SAMD5: variants seen among roughly 807,000 people sequenced by gnomAD.
SAMD5 encodes the protein sterile alpha motif domain-containing protein 5.
A neutral mutation model predicts 11.3 loss-of-function variants in SAMD5; 13 were observed. That is an observed-to-expected ratio of 1.15 (90% confidence interval 0.75 to 1.83). SAMD5 has a LOEUF of 1.83. Among genes scored for constraint, SAMD5 ranks in the 40% most tolerant of loss-of-function variants. The probability of loss-of-function intolerance (pLI) is 0.00; values close to 1 mark genes in which losing one functional copy is unlikely to be tolerated. For synonymous variants in SAMD5, 129 were observed against 111.3 expected, an observed-to-expected ratio of 1.16 and a Z score of -1.00; for missense variants, 255 against 239.1, an observed-to-expected ratio of 1.07 and a Z score of -0.44.
chr6:147,582,283 C>T (rs1789309546), intron 1 of SAMD5, among the ~76,000 whole-genome samples: 1 of 151,586 alleles, frequency 6.6e-6, no homozygotes, highest in Admixed American at 6.6e-5. Context: ...GGGAGAATCA[C>T]TTGAACCCAG....
chr6:147,670,305 A>G (rs1583132836), intron 1 of SAMD5, among the ~76,000 whole-genome samples: 1 of 152,232 alleles, frequency 6.6e-6, no homozygotes, highest in East Asian at 1.9e-4. Flanking sequence ...ATTTAGCATA[A>G]CTCTTAAGGG....
At chr6:147,739,654 A>G (rs1791850934), downstream of SAMD5, among the ~76,000 whole-genome samples, 2 of 152,154 alleles carry the variant, frequency 1.3e-5, no homozygotes, top group South Asian at 4.1e-4. Flanking sequence ...GATTTTTAGT[A>G]CTGTCATTCT....
chr6:147,560,476 G>A (rs937931386), intron 1 of SAMD5, among the ~76,000 whole-genome samples: 19 of 152,212 alleles, frequency 1.2e-4, no homozygotes, highest in African/African-American at 4.1e-4. Context: ...TACAGTCACC[G>A]GTTATATTTC....
the SAMD5 span, among the ~76,000 whole-genome samples, chr6:147,948,050 C>T: frequency 6.6e-6 from 1 of 152,038 alleles, no homozygotes. Context: ...GTACTCAGCA[C>T]AATGTGGCGA....
At chr6:147,531,753 A>G (rs979948847) in intron 1 of SAMD5, among the ~76,000 whole-genome samples, 2 of 152,162 alleles carry the variant, frequency 1.3e-5, no homozygotes, top group African/African-American at 4.8e-5. Flanking sequence ...GATATTATAG[A>G]GTTTATTTAT....
At chr6:147,530,538 T>C (rs906147270) in intron 1 of SAMD5, among the ~76,000 whole-genome samples, 1 of 152,214 alleles carries the variant, frequency 6.6e-6, no homozygotes, top group Non-Finnish European at 1.5e-5. Flanking sequence ...CTTGGAGATA[T>C]GCCATCCTGC....
chr6:147,849,798 G>C, the SAMD5 span, among the ~76,000 whole-genome samples: 16 of 152,222 alleles, frequency 1.1e-4, no homozygotes, highest in African/African-American at 2.9e-4. Flanking sequence ...CAGAACCTGG[G>C]CTGGAGGCGA....
At chr6:147,553,700 A>G (rs1788809005) in intron 1 of SAMD5, among the ~76,000 whole-genome samples, 2 of 152,318 alleles carry the variant, frequency 1.3e-5, no homozygotes, top group African/African-American at 4.8e-5. Flanking sequence ...TTCCTGCTTT[A>G]GGTAACACAT....
At chr6:147,513,958 CTT>C (rs1404350538) in intron 1 of SAMD5, among the ~76,000 whole-genome samples, 2 of 152,130 alleles carry the variant, frequency 1.3e-5, no homozygotes, top group African/African-American at 4.8e-5. Flanking sequence ...TCACCCACAA[CTT>C]TGAAACCAAG....
chr6:147,630,930 CG>C lies in SAMD5; in HGVS notation c.163-106383del, dbSNP rs547376703. Among the ~76,000 whole-genome samples the C allele has an allele frequency of 1.6e-4, 24 of 152,142 alleles. No individual in the cohort carries two copies. In the South Asian group the frequency reaches 4.6e-3, roughly 29 times the overall value. On this transcript the variant is annotated intron_variant, in intron 1 of 1. Coordinates refer to the SAMD5 transcript ENST00000566741. ...GTCTTCCTTTGGTGTTTAATCACTG[CG>C]GGGATGCCTGCTTGATTATTCACCC...
chr6:147,720,838 TCCCTCCC>T (rs1172061606), intron 1 of SAMD5, among the ~76,000 whole-genome samples: 1 of 109,786 alleles, frequency 9.1e-6, no homozygotes. Context: ...CCCAATGCTA[TCCCTCCC>T]CCCTCCCCCC....
At chr6:147,826,470 G>A in the SAMD5 span, among the ~76,000 whole-genome samples, 1 of 152,184 alleles carries the variant, frequency 6.6e-6, no homozygotes, top group African/African-American at 2.4e-5. Context: ...ATCAATCCTG[G>A]GAGCCTCTAA....
chr6:147,868,267 G>A, the SAMD5 span, among the ~76,000 whole-genome samples: 2 of 152,146 alleles, frequency 1.3e-5, no homozygotes, highest in African/African-American at 4.8e-5. Flanking sequence ...TCATTATATG[G>A]ATAATTTGTT....
At chr6:147,811,452 T>C in the SAMD5 span, among the ~76,000 whole-genome samples, 1 of 152,170 alleles carries the variant, frequency 6.6e-6, no homozygotes, top group African/African-American at 2.4e-5. Flanking sequence ...AGCTTTTCCT[T>C]AGGCAATGTG....
the SAMD5 span, among the ~76,000 whole-genome samples, chr6:147,913,362 G>A: frequency 6.6e-6 from 1 of 152,096 alleles, no homozygotes; most frequent in African/African-American, 2.4e-5. Context: ...TGTATTATAG[G>A]ATTGATCAAA....
At chr6:147,750,946 C>A in the SAMD5 span, among the ~76,000 whole-genome samples, 489 of 152,170 alleles carry the variant, frequency 3.2e-3, 5 homozygotes, top group African/African-American at 0.011. Context: ...ACAAACAAAA[C>A]ACTATGGATG....
chr6:147,902,272 C>T, the SAMD5 span, among the ~76,000 whole-genome samples: 1 of 151,836 alleles, frequency 6.6e-6, no homozygotes, highest in African/African-American at 2.4e-5. Flanking sequence ...GTATCAAAGC[C>T]GCATTATAAA....
At chr6:147,889,110 C>T in the SAMD5 span, among the ~76,000 whole-genome samples, 1 of 152,022 alleles carries the variant, frequency 6.6e-6, no homozygotes, top group Non-Finnish European at 1.5e-5. Context: ...ATTCCAATTA[C>T]GTGTGTGTAT....
At chr6:147,659,978 T>A (rs1790624822) in intron 1 of SAMD5, among the ~76,000 whole-genome samples, 1 of 152,128 alleles carries the variant, frequency 6.6e-6, no homozygotes, top group South Asian at 2.1e-4. Context: ...TCTCCATGAT[T>A]GTTCTCAATC....
Sources: allele counts gnomAD v4.1 joint callset (sites outside exome capture counted in the v4.1 genomes callset), GRCh38; gene constraint gnomAD v4.1.1; transcripts MANE v1.5; gene names NCBI Gene and HGNC (gene_info 2026-07-23, HGNC 2026-07-21).